The following WDR72 variants were observed in gnomAD, a reference collection of about 807,000 sequenced individuals.
WDR72 encodes WD repeat domain 72.
In WDR72, 120 loss-of-function variants were observed where a neutral mutation model predicts 124.2. The ratio of observed to expected loss-of-function variants is 0.97; its 90% CI spans 0.83 to 1.12. The LOEUF (loss-of-function observed/expected upper bound fraction) is 1.12, where lower values mean the gene tolerates loss of function less well. WDR72 is among the 50% of genes most tolerant of loss of function. The probability of loss-of-function intolerance (pLI) is 0.00; values close to 1 mark genes in which losing one functional copy is unlikely to be tolerated. For missense variants in WDR72, 1,387 were observed against 1,278.8 expected (o/e 1.08, Z -1.29); for synonymous variants, 452 against 441.7 (o/e 1.02, Z -0.29).
Position 53,733,081 on chromosome 15 carries a change from G to C in WDR72, c.69C>G (p.Ile23Met), listed in dbSNP as rs2018249917. The C allele has an allele frequency of 1.2e-6, 2 of 1,613,986 alleles. No homozygotes were observed. Among genetic ancestry groups the C allele is most frequent in the South Asian group, 1.1e-5 (1 of 91,090 alleles). Residue 23 changes from isoleucine (I) to methionine (M), a missense_variant, in exon 2 of 20, where the codon ATC becomes ATG. By Grantham distance (10) the Ile-to-Met change is conservative (BLOSUM62 1). Coordinates refer to ENST00000360509, the MANE Select transcript of WDR72 (RefSeq NM_182758.4). The stretch of plus-strand genomic sequence containing the variant: ...TCGTTCGCTGGTCATCAGTGATCAT[G>C]ATGGCAGTGATGCTGTGGGGAGGGG... Reference protein sequence around the residue: ...QKAPPHSITAIMITDDQRTIV... With the variant: ...QKAPPHSITAMMITDDQRTIV...
chr15:53,693,392 G>A (rs926438147), intron 13 of WDR72, among the ~76,000 whole-genome samples: 4 of 30,344 alleles, frequency 1.3e-4, no homozygotes, highest in African/African-American at 1.8e-4. Flanking sequence ...TCTGAAAAAC[G>A]TGTCTTGCAC....
chr15:53,726,224 A>G (rs867820257), intron 2 of WDR72, among the ~76,000 whole-genome samples: 6 of 140,668 alleles, frequency 4.3e-5, no homozygotes, highest in East Asian at 2.0e-4. Context: ...GTATGTGTAT[A>G]TATATATATA....
At chr15:53,690,413 A>G (rs2016800874) in intron 13 of WDR72, among the ~76,000 whole-genome samples, 1 of 152,112 alleles carries the variant, frequency 6.6e-6, no homozygotes. Context: ...CCCCCATACC[A>G]TTAAGTAATC....
At position 53,733,170 on chromosome 15, in the gene WDR72, C is replaced by A. The variant is rs2018253648; in HGVS notation, c.-12-9G>T. The A allele has an allele frequency of 6.2e-7, 1 of 1,613,316 alleles. No homozygotes were observed. The highest frequency in any genetic ancestry group is 1.1e-5 in the South Asian group (1 of 91,084). Reference sequence around the variant, plus strand: ...CTCATTTTGGGCGAATCCTGACATACAAAGAAGGGAAGAAGCATACATGGT... The same window carrying A: ...CTCATTTTGGGCGAATCCTGACATAAAAAGAAGGGAAGAAGCATACATGGT... On this transcript the variant is annotated splice_polypyrimidine_tract_variant and intron_variant, in intron 1 of 19. Coordinates refer to ENST00000360509, the MANE Select transcript of WDR72 (RefSeq NM_182758.4).
chr15:53,668,962 A>AGAAGGAGG (rs2015882898), intron 13 of WDR72, among the ~76,000 whole-genome samples: 3 of 15,556 alleles, frequency 1.9e-4, no homozygotes, highest in Non-Finnish European at 7.1e-4. Flanking sequence ...GGAGGAGGAG[A>AGAAGGAGG]AGGAGGAGGA....
chr15:53,616,801 T>A (rs1285731064), intron 14 of WDR72, among the ~76,000 whole-genome samples: 3 of 152,014 alleles, frequency 2.0e-5, no homozygotes, highest in Admixed American at 2.0e-4. Flanking sequence ...ACTTAAATTA[T>A]GTTCTTGCTA....
At chr15:53,742,559 T>G (rs1316404394) in intron 1 of WDR72, among the ~76,000 whole-genome samples, 1 of 152,158 alleles carries the variant, frequency 6.6e-6, no homozygotes, top group Admixed American at 6.5e-5. Context: ...ATCTCATCTA[T>G]TTAAAGGCAA....
chr15:53,756,031 C>T (rs7176136), intron 1 of WDR72, among the ~76,000 whole-genome samples: 9,496 of 152,204 alleles, frequency 0.062, 1,024 homozygotes, highest in African/African-American at 0.22. Context: ...TCACAGGACT[C>T]TGTGTTCTAA....
At chr15:53,568,544 C>G (rs1178348870) in intron 18 of WDR72, among the ~76,000 whole-genome samples, 1 of 151,996 alleles carries the variant, frequency 6.6e-6, no homozygotes, top group African/African-American at 2.4e-5. Flanking sequence ...CAATGTTGTT[C>G]ACTCTGGCTT....
chr15:53,518,800 A>T (rs1297478847), intron 19 of WDR72, among the ~76,000 whole-genome samples: 1 of 152,052 alleles, frequency 6.6e-6, no homozygotes, highest in African/African-American at 2.4e-5. Context: ...TTTTCACAGT[A>T]TAGTATCCCC....
chr15:53,723,274 A>G (rs563836926), intron 2 of WDR72, among the ~76,000 whole-genome samples: 52 of 152,238 alleles, frequency 3.4e-4, no homozygotes, highest in Non-Finnish European at 6.0e-4. Flanking sequence ...ATTCAAAATA[A>G]CTTCACAAAA....
At chr15:53,650,837 C>T (rs2015209822) in intron 14 of WDR72, among the ~76,000 whole-genome samples, 1 of 150,124 alleles carries the variant, frequency 6.7e-6, no homozygotes, top group Non-Finnish European at 1.5e-5. Context: ...ATTTCTTTCT[C>T]TTGCTTCAAC....
chr15:53,588,253 C>G (rs1209623017), intron 18 of WDR72, among the ~76,000 whole-genome samples: 1 of 152,000 alleles, frequency 6.6e-6, no homozygotes, highest in African/African-American at 2.4e-5. Context: ...CCATCATACA[C>G]CATGTGGTCC....
At chr15:53,747,361 T>C (rs2018667952) in intron 1 of WDR72, among the ~76,000 whole-genome samples, 1 of 152,200 alleles carries the variant, frequency 6.6e-6, no homozygotes, top group Non-Finnish European at 1.5e-5. Context: ...AATTAACCCC[T>C]AACCAACATC....
Position 53,665,559 on chromosome 15 carries a change from G to C in WDR72, c.1962+13C>G, listed in dbSNP as rs2015748597. On this transcript the variant is annotated intron_variant, in intron 14 of 19. Transcript: ENST00000360509. ...TAATGTTCTTTGTGAACAACAGCTT[G>C]ATTTGAACTTACCTTACATGAAGAC... 1 of 1,613,556 alleles carries C rather than the reference G, an allele frequency of 6.2e-7. No individual in the cohort carries two copies. The highest frequency in any genetic ancestry group is 8.5e-7 in the Non-Finnish European group (1 of 1,179,664).
At chr15:53,578,587 T>A (rs560974852) in intron 18 of WDR72, among the ~76,000 whole-genome samples, 3 of 151,984 alleles carry the variant, frequency 2.0e-5, no homozygotes, top group Non-Finnish European at 4.4e-5. Flanking sequence ...TTTGGCTGAG[T>A]TGTAGAGTTT....
chr15:53,597,472 T>C (rs1330083254), intron 17 of WDR72, among the ~76,000 whole-genome samples, 198 bp from the exon 18 acceptor site: 1 of 152,194 alleles, frequency 6.6e-6, no homozygotes, highest in Non-Finnish European at 1.5e-5. Context: ...CACTGTTTTT[T>C]TGCAATGCAA....
intron 8 of WDR72, 57 bp downstream of exon 8, chr15:53,711,279 C>A (rs1311269377): frequency 6.2e-7 from 1 of 1,612,038 alleles, no homozygotes; most frequent in African/African-American, 1.3e-5. Context: ...CATAATAAAC[C>A]TCCCAAAGTT....
At chr15:53,590,901 G>C (rs2414247) in intron 18 of WDR72, among the ~76,000 whole-genome samples, 29,056 of 151,954 alleles carry the variant, frequency 0.19, 4,073 homozygotes, top group African/African-American at 0.4. Flanking sequence ...GAAGGCATTT[G>C]CAAGATGAGA....
Sources: gnomAD v4.1 joint callset for allele counts (sites outside exome capture counted in the v4.1 genomes callset) on GRCh38, gnomAD v4.1.1 for gene constraint, MANE v1.5 for transcripts, NCBI Gene and HGNC (gene_info 2026-07-23, HGNC 2026-07-21) for gene names.